COL8A1: variants seen among roughly 807,000 people sequenced by gnomAD.
COL8A1 encodes the protein collagen alpha-1(VIII) chain.
Under a neutral mutation model 42.7 loss-of-function variants are expected in COL8A1, and 21 were observed. The observed-to-expected ratio is 0.49, with a 90% CI of 0.35 to 0.71. The LOEUF (loss-of-function observed/expected upper bound fraction) is 0.71, where lower values mean the gene tolerates loss of function less well. Ranked by LOEUF, COL8A1 falls within the 30% of genes least tolerant of loss-of-function variation. The pLI, the probability that COL8A1 is intolerant of heterozygous loss-of-function variation, is 0.01. For missense variants in COL8A1, 788 were observed against 962.4 expected, an observed-to-expected ratio of 0.82 and a Z score of 2.40; for synonymous variants, 367 against 369.1, an observed-to-expected ratio of 0.99 and a Z score of 0.06.
At position 99,796,514 on chromosome 3, in the gene COL8A1, A is replaced by C; in HGVS notation, c.*378A>C. 6.2e-6 allele frequency: 1 copy of C among 160,862 alleles called. No homozygotes were observed. Among genetic ancestry groups the C allele is most frequent in the South Asian group, 2.0e-4 (1 of 4,984 alleles). The allele number at this position is 160,862 out of a possible 1,614,324, so 10.0% of individuals were successfully genotyped here. ...ACTCACTCATATTGTTTACTTTAAA[A>C]TATTTATAAATATGCCTTAAAGAAA... On this transcript the variant is annotated 3_prime_UTR_variant, in exon 4 of 4. Coordinates refer to ENST00000652472, the MANE Select transcript of COL8A1 (RefSeq NM_020351.4).
At chr3:99,702,782 A>G (rs1292122378) in intron 1 of COL8A1, among the ~76,000 whole-genome samples, 1 of 152,258 alleles carries the variant, frequency 6.6e-6, no homozygotes, top group South Asian at 2.1e-4. Flanking sequence ...GCAAGCAAGT[A>G]TATGCAGAAT....
At chr3:99,716,873 C>T (rs962670136) in intron 1 of COL8A1, among the ~76,000 whole-genome samples, 2 of 152,026 alleles carry the variant, frequency 1.3e-5, no homozygotes, top group African/African-American at 4.8e-5. Flanking sequence ...CCAGCCATGG[C>T]ATTTGACTCT....
intron 1 of COL8A1, among the ~76,000 whole-genome samples, chr3:99,698,740 A>G (rs1212323175): frequency 6.6e-6 from 1 of 152,224 alleles, no homozygotes; most frequent in East Asian, 1.9e-4. Flanking sequence ...CTGTATGTAT[A>G]TTTCTTATTT....
At position 99,795,917 on chromosome 3, in the gene COL8A1, C is replaced by T; in HGVS notation, c.2016C>T (p.Gly672=). 1 of 1,614,144 alleles carries T rather than the reference C, an allele frequency of 6.2e-7. No individual in the cohort carries two copies. The highest frequency in any genetic ancestry group is 8.5e-7 in the Non-Finnish European group (1 of 1,180,010). Residue 672 remains glycine (G), a synonymous_variant, in exon 4 of 4, where the codon GGC becomes GGT. Coordinates refer to ENST00000652472, the MANE Select transcript of COL8A1 (RefSeq NM_020351.4). The part of the protein sequence containing the change: ...YFAYHVHCKG[G]NVWVALFKNN... ...CATACCACGTTCACTGCAAGGGGGG[C>T]AACGTGTGGGTTGCTCTATTCAAGA... is the stretch of plus-strand genomic sequence containing the variant.
intron 1 of COL8A1, among the ~76,000 whole-genome samples, chr3:99,694,044 T>C (rs1457721408): frequency 1.3e-5 from 2 of 152,252 alleles, no homozygotes. Context: ...AGCAACAGGC[T>C]ATACCTATAG....
At chr3:99,700,448 G>A (rs1228256496) in intron 1 of COL8A1, among the ~76,000 whole-genome samples, 2 of 152,014 alleles carry the variant, frequency 1.3e-5, no homozygotes, top group Non-Finnish European at 2.9e-5. Flanking sequence ...GCACCCTCAC[G>A]CTCTTCTGGC....
rs777725434 is a variant in COL8A1 at position 99,794,250 on chromosome 3, C to T, written c.349C>T (p.Arg117Ter). Residue 117 changes from arginine to a stop codon, truncating the protein, a stop_gained, in exon 4 of 4, where the codon CGA (arginine) becomes TGA (stop). Coordinates refer to ENST00000652472, the MANE Select transcript of COL8A1 (RefSeq NM_020351.4). LOFTEE classifies it high-confidence loss of function. The surrounding 1 kb of genome is among the most constrained non-coding windows in gnomAD (Gnocchi z 4.3). Reference protein sequence around the residue: ...KGKEIPLASLRGEQGPRGEPG... With the variant: ...KGKEIPLASL ...AGTAGAAATACCATTAGCCAGTTTA[C>T]GAGGGGAACAAGGTCCCCGTGGAGA... The T allele has an allele frequency of 6.3e-6, 10 of 1,589,294 alleles. No homozygotes were observed. Among genetic ancestry groups the T allele is most frequent in the Non-Finnish European group, 8.6e-6 (10 of 1,169,054 alleles).
intron 2 of COL8A1, among the ~76,000 whole-genome samples, chr3:99,780,781 T>C (rs1265441754): frequency 6.6e-6 from 1 of 152,234 alleles, no homozygotes; most frequent in Non-Finnish European, 1.5e-5. Context: ...TCCATTTTTC[T>C]TTGAAAAATG....
chr3:99,722,586 G>C (rs1940186768), intron 1 of COL8A1, among the ~76,000 whole-genome samples: 1 of 152,078 alleles, frequency 6.6e-6, no homozygotes, highest in Non-Finnish European at 1.5e-5. Flanking sequence ...AAAGAAAATA[G>C]CTGCTCTTTT....
chr3:99,692,711 C>T (rs561629071), intron 1 of COL8A1, among the ~76,000 whole-genome samples: 73 of 152,314 alleles, frequency 4.8e-4, no homozygotes, highest in South Asian at 8.3e-4. Flanking sequence ...AACCACAGAC[C>T]GCATATATTA....
At chr3:99,735,683 A>T (rs1940685313) in intron 1 of COL8A1, among the ~76,000 whole-genome samples, 1 of 149,830 alleles carries the variant, frequency 6.7e-6, no homozygotes, top group Non-Finnish European at 1.5e-5. Context: ...GTTAGGGAGG[A>T]TTCCCTCTTT....
chr3:99,790,046 T>C (rs1941970388), intron 2 of COL8A1, among the ~76,000 whole-genome samples: 1 of 152,158 alleles, frequency 6.6e-6, no homozygotes, highest in Non-Finnish European at 1.5e-5. Flanking sequence ...AGATGAAAAA[T>C]CTCTACTGTA....
At chr3:99,751,448 C>T (rs1316863923) in intron 2 of COL8A1, among the ~76,000 whole-genome samples, 2 of 152,112 alleles carry the variant, frequency 1.3e-5, no homozygotes, top group Admixed American at 1.3e-4. Flanking sequence ...ATCCCAGCTA[C>T]TTGGGAGGCT....
intron 1 of COL8A1, among the ~76,000 whole-genome samples, chr3:99,692,533 A>C (rs1002486972): frequency 6.6e-6 from 1 of 152,242 alleles, no homozygotes; most frequent in Admixed American, 6.5e-5. Context: ...TAGTACTATC[A>C]AAATCAGGAA....
intron 1 of COL8A1, among the ~76,000 whole-genome samples, chr3:99,655,314 G>A (rs1399773834): frequency 6.6e-6 from 1 of 152,094 alleles, no homozygotes; most frequent in Non-Finnish European, 1.5e-5. Flanking sequence ...CTACCTAATA[G>A]GTGTCTTTTG....
At chr3:99,781,928 C>T (rs1400782214) in intron 2 of COL8A1, among the ~76,000 whole-genome samples, 1 of 152,196 alleles carries the variant, frequency 6.6e-6, no homozygotes, top group Admixed American at 6.5e-5. Context: ...CTATGTCACA[C>T]TCATTAACCA....
intron 1 of COL8A1, among the ~76,000 whole-genome samples, chr3:99,741,830 G>A (rs1361943107): frequency 6.6e-6 from 1 of 152,090 alleles, no homozygotes; most frequent in Admixed American, 6.5e-5. Context: ...GTGCTCAATT[G>A]GTCAGTTCAT....
At chr3:99,782,389 A>AT (rs1553682601) in intron 2 of COL8A1, among the ~76,000 whole-genome samples, 4 of 151,992 alleles carry the variant, frequency 2.6e-5, no homozygotes, top group Admixed American at 6.6e-5. Flanking sequence ...AATTATTATT[A>AT]TTATTTATTT....
intron 2 of COL8A1, among the ~76,000 whole-genome samples, chr3:99,765,688 C>A (rs1008343794): frequency 1.3e-5 from 2 of 152,112 alleles, no homozygotes; most frequent in Non-Finnish European, 2.9e-5. Context: ...AGTCAGGGAT[C>A]CCTGTAACCA....
Sources: allele counts gnomAD v4.1 joint callset (sites outside exome capture counted in the v4.1 genomes callset), GRCh38; gene constraint gnomAD v4.1.1; non-coding constraint Gnocchi (gnomAD v3.1); transcripts MANE v1.5; gene names NCBI Gene and HGNC (gene_info 2026-07-23, HGNC 2026-07-21).